RIT2: variants seen among roughly 807,000 people sequenced by gnomAD.
The protein encoded by RIT2 is GTP-binding protein Rit2.
In RIT2, 24 loss-of-function variants were observed where a neutral mutation model predicts 23.7. The ratio of observed to expected loss-of-function variants is 1.01; its 90% CI spans 0.73 to 1.43. The LOEUF (loss-of-function observed/expected upper bound fraction) is 1.43, where lower values mean the gene tolerates loss of function less well. Ranked by LOEUF, RIT2 falls within the 40% of genes most tolerant of loss-of-function variation. The pLI is 0.00. For synonymous variants in RIT2, 107 were observed against 91.1 expected (o/e 1.17, Z -0.99); for missense variants, 236 against 266.9 (o/e 0.88, Z 0.81).
chr18:42,936,634 T>C (rs982404030), intron 3 of RIT2, among the ~76,000 whole-genome samples: 3 of 152,188 alleles, frequency 2.0e-5, no homozygotes, highest in African/African-American at 7.2e-5. Context: ...AGAACACCAA[T>C]TTAACCCTTA....
chr18:42,882,917 G>A (rs770920628), intron 4 of RIT2, among the ~76,000 whole-genome samples: 8 of 152,026 alleles, frequency 5.3e-5, no homozygotes, highest in Non-Finnish European at 1.2e-4. Flanking sequence ...TATAACATCT[G>A]GCAGTAAGTA....
At chr18:42,863,996 C>G (rs1325281049) in intron 4 of RIT2, among the ~76,000 whole-genome samples, 1 of 150,586 alleles carries the variant, frequency 6.6e-6, no homozygotes, top group African/African-American at 2.5e-5. Flanking sequence ...TTCTGGGGAA[C>G]TAGCAACTCT....
chr18:42,934,977 GA>G (rs1909416618), intron 3 of RIT2, among the ~76,000 whole-genome samples: 1 of 152,018 alleles, frequency 6.6e-6, no homozygotes, highest in South Asian at 2.1e-4. Flanking sequence ...AGTGAAAGCA[GA>G]AAAAAGCGAT....
chr18:43,051,675 T>C (rs991391706), intron 1 of RIT2, among the ~76,000 whole-genome samples: 3 of 152,136 alleles, frequency 2.0e-5, no homozygotes, highest in Non-Finnish European at 2.9e-5. Flanking sequence ...TGGCCATTGG[T>C]CTAAATCTAA....
At chr18:42,949,940 A>G (rs2144170917) in intron 3 of RIT2, among the ~76,000 whole-genome samples, 1 of 152,266 alleles carries the variant, frequency 6.6e-6, no homozygotes, top group East Asian at 1.9e-4. Context: ...TTATATCCAC[A>G]TAATGGGAGA....
chr18:42,762,821 A>G (rs929364073), intron 4 of RIT2, among the ~76,000 whole-genome samples: 1 of 152,212 alleles, frequency 6.6e-6, no homozygotes, highest in Non-Finnish European at 1.5e-5. Context: ...CCAATGCAGT[A>G]TATATGTAAC....
At chr18:43,048,170 T>C (rs367953761) in intron 1 of RIT2, among the ~76,000 whole-genome samples, 1 of 152,182 alleles carries the variant, frequency 6.6e-6, no homozygotes, top group African/African-American at 2.4e-5. Context: ...CATTTTATTA[T>C]ATGGTTGTAT....
intron 4 of RIT2, among the ~76,000 whole-genome samples, chr18:42,865,539 A>G (rs1172986659): frequency 2.0e-5 from 3 of 152,226 alleles, no homozygotes; most frequent in South Asian, 2.1e-4. Context: ...CATTCACTCA[A>G]TAACATTTTC....
intron 4 of RIT2, among the ~76,000 whole-genome samples, chr18:42,819,310 T>C (rs1906084089): frequency 6.6e-6 from 1 of 152,152 alleles, no homozygotes; most frequent in East Asian, 1.9e-4. Context: ...TGCTGAAAAC[T>C]CTTAGTTCCA....
intron 2 of RIT2, among the ~76,000 whole-genome samples, chr18:43,005,139 T>C (rs554426671): frequency 1.2e-3 from 181 of 151,988 alleles, no homozygotes; most frequent in African/African-American, 4.0e-3. Flanking sequence ...TCACCTCTAA[T>C]GCTTTAGCTA....
intron 2 of RIT2, among the ~76,000 whole-genome samples, chr18:43,026,588 G>GAAAGAAAGAAAT (rs1911728441): frequency 9.1e-6 from 1 of 109,704 alleles, no homozygotes; most frequent in South Asian, 3.3e-4. Flanking sequence ...AAGAAAGAAA[G>GAAAGAAAGAAAT]AAAGAAAGAA....
At chr18:43,016,000 T>C (rs1252682070) in intron 2 of RIT2, among the ~76,000 whole-genome samples, 3 of 151,868 alleles carry the variant, frequency 2.0e-5, no homozygotes, top group African/African-American at 4.8e-5. Context: ...TTAACTTGGT[T>C]TGACTAATGA....
At chr18:43,038,542 C>T (rs570887883) in intron 1 of RIT2, among the ~76,000 whole-genome samples, 111 of 151,960 alleles carry the variant, frequency 7.3e-4, no homozygotes, top group African/African-American at 2.6e-3. Flanking sequence ...GTGATTTGTC[C>T]CTTATTTCTC....
At chr18:42,831,946 T>A (rs1906470690) in intron 4 of RIT2, among the ~76,000 whole-genome samples, 1 of 152,182 alleles carries the variant, frequency 6.6e-6, no homozygotes, top group Non-Finnish European at 1.5e-5. Flanking sequence ...AGCAGTTACT[T>A]GGAAGATCAA....
chr18:43,027,010 A>G (rs1048380111), intron 2 of RIT2, among the ~76,000 whole-genome samples: 2 of 152,172 alleles, frequency 1.3e-5, no homozygotes, highest in African/African-American at 4.8e-5. Context: ...AGGGAAATCA[A>G]GCGAGTATGA....
chr18:43,049,536 G>A (rs1033745855), intron 1 of RIT2, among the ~76,000 whole-genome samples: 1 of 152,000 alleles, frequency 6.6e-6, no homozygotes, highest in Non-Finnish European at 1.5e-5. Flanking sequence ...GCAGAATGAA[G>A]GATAAAAATT....
At chr18:42,858,504 T>C (rs947078455) in intron 4 of RIT2, among the ~76,000 whole-genome samples, 3 of 152,166 alleles carry the variant, frequency 2.0e-5, no homozygotes, top group African/African-American at 7.2e-5. Context: ...GTCCCCTGAA[T>C]GGAAACTTGC....
At chr18:42,917,729 T>G (rs1223886038) in intron 4 of RIT2, among the ~76,000 whole-genome samples, 1 of 152,138 alleles carries the variant, frequency 6.6e-6, no homozygotes, top group Admixed American at 6.6e-5. Flanking sequence ...TGACCCTGCC[T>G]CCTCACCAGC....
At chr18:43,034,726 G>C (rs1911936384) in intron 1 of RIT2, among the ~76,000 whole-genome samples, 1 of 152,026 alleles carries the variant, frequency 6.6e-6, no homozygotes, top group African/African-American at 2.4e-5. Flanking sequence ...ATTCTGGCTG[G>C]GTCTATATAT....
Sources: gnomAD v4.1 joint callset for allele counts (sites outside exome capture counted in the v4.1 genomes callset) on GRCh38, gnomAD v4.1.1 for gene constraint, MANE v1.5 for transcripts, NCBI Gene and HGNC (gene_info 2026-07-23, HGNC 2026-07-21) for gene names.